VPS13B: variants seen among roughly 807,000 people sequenced by gnomAD.
VPS13B encodes intermembrane lipid transfer protein VPS13B.
VPS13B carries 285 observed loss-of-function variants against 426.4 expected under a neutral mutation model. The observed-to-expected ratio is 0.67, with a 90% confidence interval of 0.61 to 0.74. The LOEUF is 0.74. Ranked by LOEUF, VPS13B falls within the 30% of genes least tolerant of loss-of-function variation. The probability of loss-of-function intolerance (pLI) is 0.00; values close to 1 mark genes in which losing one functional copy is unlikely to be tolerated. For synonymous variants in VPS13B, 1,676 were observed against 1,676.4 expected, an observed-to-expected ratio of 1.00 and a Z score of 0.01; for missense variants, 4,537 against 4,782.6, an observed-to-expected ratio of 0.95 and a Z score of 1.51.
intron 19 of VPS13B, among the ~76,000 whole-genome samples, chr8:99,303,571 T>G (rs1232118140): frequency 2.0e-5 from 3 of 150,340 alleles, no homozygotes; most frequent in Non-Finnish European, 4.4e-5. Flanking sequence ...CAGCCCCACG[T>G]GTAATGTGGC....
At chr8:99,273,708 C>G (rs1183157658) in intron 17 of VPS13B, among the ~76,000 whole-genome samples, 1 of 2,678 alleles carries the variant, frequency 3.7e-4, no homozygotes, top group Admixed American at 5.3e-3. Context: ...TGCTTGAACC[C>G]GGGAGGCAGA....
At chr8:99,807,873 T>C (rs1422451919) in intron 43 of VPS13B, among the ~76,000 whole-genome samples, 3 of 118,048 alleles carry the variant, frequency 2.5e-5, no homozygotes, top group African/African-American at 9.2e-5. Context: ...TATTCAGATT[T>C]AAAAAAAAAA....
At chr8:99,131,865 C>T (rs759536251) in intron 8 of VPS13B, among the ~76,000 whole-genome samples, 5 of 152,044 alleles carry the variant, frequency 3.3e-5, no homozygotes, top group East Asian at 1.9e-4. Context: ...TTCTCTGTAG[C>T]ATGGGATGCT....
At chr8:99,494,168 G>A (rs951089863) in intron 25 of VPS13B, among the ~76,000 whole-genome samples, 1 of 152,004 alleles carries the variant, frequency 6.6e-6, no homozygotes, top group Non-Finnish European at 1.5e-5. Flanking sequence ...AACATAAAAT[G>A]TACTGTTTTT....
At chr8:99,405,476 G>A (rs1815272241) in intron 21 of VPS13B, among the ~76,000 whole-genome samples, 1 of 152,116 alleles carries the variant, frequency 6.6e-6, no homozygotes, top group South Asian at 2.1e-4. Flanking sequence ...AGTAATGTAA[G>A]TATATGCTAA....
At chr8:99,154,229 A>C in intron 14 of VPS13B, among the ~76,000 whole-genome samples, 1 of 150,822 alleles carries the variant, frequency 6.6e-6, no homozygotes, top group East Asian at 2.0e-4. Context: ...GGTGTCTGAC[A>C]TTAATTTGAG....
intron 17 of VPS13B, among the ~76,000 whole-genome samples, chr8:99,238,293 T>C (rs1816746298): frequency 6.6e-6 from 1 of 152,034 alleles, no homozygotes; most frequent in African/African-American, 2.4e-5. Context: ...CTTTAGTTAA[T>C]AAGCACAAAA....
At chr8:99,272,516 C>G (rs2132987347) in intron 17 of VPS13B, among the ~76,000 whole-genome samples, 1 of 152,158 alleles carries the variant, frequency 6.6e-6, no homozygotes, top group South Asian at 2.1e-4. Context: ...AGTTAATTGT[C>G]ATTATCATCA....
At chr8:99,679,085 C>T (rs929653120) in intron 35 of VPS13B, among the ~76,000 whole-genome samples, 2 of 152,160 alleles carry the variant, frequency 1.3e-5, no homozygotes, top group Non-Finnish European at 2.9e-5. Context: ...TCTCAGCTGC[C>T]ATTAGGTTAG....
intron 30 of VPS13B, among the ~76,000 whole-genome samples, chr8:99,543,922 A>G (rs1187013244): frequency 7.0e-6 from 1 of 142,986 alleles, no homozygotes; most frequent in African/African-American, 2.6e-5. Context: ...TCAGGGATCT[A>G]GAACTAGAAA....
In VPS13B at chr8:99,642,173, G is replaced by A; in HGVS notation, c.5583G>A (p.Lys1861=). The change falls in exon 34 of 62, where the codon AAG becomes AAA. Residue 1861 remains lysine (K), a synonymous_variant. Transcript: ENST00000357162. ...NLPEVDSDVA[K]PNQACISTVT... ...CAGAAGTTGATTCAGATGTTGCTAAGCCCAACCAGGCATGTATTTCCACGG... is the reference window on the plus strand; with the variant it reads ...CAGAAGTTGATTCAGATGTTGCTAAACCCAACCAGGCATGTATTTCCACGG... 1 of 1,614,094 alleles carries A rather than the reference G, an allele frequency of 6.2e-7. No individual in the cohort carries two copies. Among genetic ancestry groups the A allele is most frequent in the Non-Finnish European group, 8.5e-7 (1 of 1,180,002 alleles).
intron 3 of VPS13B, among the ~76,000 whole-genome samples, chr8:99,066,885 T>G (rs1844548502): frequency 6.6e-6 from 1 of 152,158 alleles, no homozygotes; most frequent in African/African-American, 2.4e-5. Flanking sequence ...AACAGACACA[T>G]GACAAAATGC....
At chr8:99,676,280 C>G (rs1290140520) in intron 35 of VPS13B, among the ~76,000 whole-genome samples, 4 of 152,104 alleles carry the variant, frequency 2.6e-5, no homozygotes, top group Non-Finnish European at 5.9e-5. Flanking sequence ...GGGGCATACT[C>G]AAAGCCCATG....
At chr8:99,747,388 G>A (rs1056261611) in intron 39 of VPS13B, among the ~76,000 whole-genome samples, 8 of 152,048 alleles carry the variant, frequency 5.3e-5, no homozygotes, top group South Asian at 2.1e-4. Context: ...AGACAGTGAA[G>A]TCCTGTGATT....
intron 3 of VPS13B, among the ~76,000 whole-genome samples, chr8:99,066,865 C>T (rs1040275285): frequency 2.0e-5 from 3 of 152,176 alleles, no homozygotes; most frequent in East Asian, 1.9e-4. Flanking sequence ...AAGAAGACAT[C>T]TATGCAGCCA....
intron 25 of VPS13B, among the ~76,000 whole-genome samples, chr8:99,496,965 G>T (rs112727569): frequency 0.017 from 2,521 of 150,268 alleles, 64 homozygotes; most frequent in African/African-American, 0.058. Context: ...AAATGTTTTT[G>T]GTAACGTCTT....
At chr8:99,380,479 T>A (rs1458055590) in intron 19 of VPS13B, among the ~76,000 whole-genome samples, 1 of 152,110 alleles carries the variant, frequency 6.6e-6, no homozygotes, top group African/African-American at 2.4e-5. Context: ...GAATCATTGC[T>A]CAACAGTACA....
intron 21 of VPS13B, among the ~76,000 whole-genome samples, chr8:99,406,675 A>C (rs1815347897): frequency 6.6e-6 from 1 of 152,190 alleles, no homozygotes; most frequent in South Asian, 2.1e-4. Flanking sequence ...ACCTCTAGTC[A>C]GTGTTCTCCA....
chr8:99,128,120 A>T (rs7463462), intron 8 of VPS13B, among the ~76,000 whole-genome samples: 4 of 151,720 alleles, frequency 2.6e-5, no homozygotes, highest in Non-Finnish European at 5.9e-5. Flanking sequence ...GCTGGGCATG[A>T]TGGCTCACAC....
Sources: gnomAD v4.1 joint callset for allele counts (sites outside exome capture counted in the v4.1 genomes callset) on GRCh38, gnomAD v4.1.1 for gene constraint, MANE v1.5 for transcripts, NCBI Gene and HGNC (gene_info 2026-07-23, HGNC 2026-07-21) for gene names.